Variants in KCNIP4 observed in about 807,000 individuals in gnomAD.
KCNIP4 encodes the protein potassium voltage-gated channel interacting protein 4.
KCNIP4 carries 12 observed loss-of-function variants against 34.0 expected under a neutral mutation model. The ratio of observed to expected loss-of-function variants is 0.35; its 90% CI spans 0.23 to 0.57. The LOEUF is 0.57. Among genes scored for constraint, KCNIP4 ranks in the 20% least tolerant of loss-of-function variants. KCNIP4 has a pLI of 0.83. For missense variants in KCNIP4, 238 were observed against 311.7 expected, an observed-to-expected ratio of 0.76 and a Z score of 1.78; for synonymous variants, 124 against 102.2, an observed-to-expected ratio of 1.21 and a Z score of -1.29.
intron 1 of KCNIP4, among the ~76,000 whole-genome samples, chr4:21,735,424 T>C (rs1577919182): frequency 2.6e-5 from 4 of 152,170 alleles, no homozygotes; most frequent in Non-Finnish European, 5.9e-5. Flanking sequence ...TATGGCATAA[T>C]AGTATCTGTA....
At chr4:21,113,606 T>C (rs924512477) in intron 1 of KCNIP4, among the ~76,000 whole-genome samples, 3 of 152,152 alleles carry the variant, frequency 2.0e-5, no homozygotes, top group African/African-American at 7.2e-5. Context: ...TTGTTCCCCA[T>C]GTCTTCCTTA....
intron 1 of KCNIP4, among the ~76,000 whole-genome samples, chr4:21,563,159 AT>A (rs202168547): frequency 0.012 from 1,856 of 151,986 alleles, 46 homozygotes; most frequent in African/African-American, 0.042. Flanking sequence ...TAACTACTAG[AT>A]TTTTTTTAAA....
chr4:21,238,027 C>A (rs1278388142), intron 1 of KCNIP4, among the ~76,000 whole-genome samples: 1 of 152,108 alleles, frequency 6.6e-6, no homozygotes, highest in Non-Finnish European at 1.5e-5. Context: ...AAAGCTTATC[C>A]ACCATGATCA....
intron 1 of KCNIP4, among the ~76,000 whole-genome samples, chr4:20,944,927 C>T (rs1222111133): frequency 1.3e-5 from 2 of 152,170 alleles, no homozygotes; most frequent in African/African-American, 4.8e-5. Context: ...CCAGTTCAAT[C>T]AGACTTAATA....
chr4:20,899,280 T>C (rs1433773920), intron 1 of KCNIP4, among the ~76,000 whole-genome samples: 2 of 152,194 alleles, frequency 1.3e-5, no homozygotes, highest in Non-Finnish European at 2.9e-5. Context: ...GTCCCTAAGA[T>C]GGATATGAGT....
At chr4:21,336,171 T>C (rs569608223) in intron 1 of KCNIP4, among the ~76,000 whole-genome samples, 1 of 152,250 alleles carries the variant, frequency 6.6e-6, no homozygotes, top group African/African-American at 2.4e-5. Context: ...GATACGTGAG[T>C]TCTAATTCGA....
At position 21,944,041 on chromosome 4, in the gene KCNIP4, C is replaced by T. The variant is rs1389776062; in HGVS notation, c.61+4530G>A. ...GATAGAGCATGTCTTTTTAGACATA[C>T]TGACTTTAAGGTGCTGGTAAAACTT... is the stretch of plus-strand genomic sequence containing the variant. On this transcript the variant is annotated intron_variant, in intron 1 of 8. Transcript: ENST00000382152. Among the ~76,000 whole-genome samples the T allele has an allele frequency of 2.0e-5, 3 of 151,206 alleles. No individual in the cohort carries two copies. In the East Asian group the frequency reaches 5.9e-4, roughly 30 times the overall value.
chr4:21,325,173 G>A (rs928431285), intron 1 of KCNIP4, among the ~76,000 whole-genome samples: 3 of 151,870 alleles, frequency 2.0e-5, no homozygotes, highest in African/African-American at 7.2e-5. Context: ...GTTTGAGTAG[G>A]ACTGGTGTTA....
intron 1 of KCNIP4, among the ~76,000 whole-genome samples, chr4:21,690,660 T>C (rs1051019789): frequency 2.0e-5 from 3 of 152,142 alleles, no homozygotes; most frequent in African/African-American, 7.2e-5. Context: ...AGTAAATATT[T>C]TTTCTTTATA....
chr4:21,349,845 G>C (rs1268283882), intron 1 of KCNIP4, among the ~76,000 whole-genome samples: 4 of 152,126 alleles, frequency 2.6e-5, no homozygotes, highest in Non-Finnish European at 5.9e-5. Context: ...TGGGGTACAA[G>C]CACAAGGGCT....
At chr4:21,595,120 C>T (rs1742539006) in intron 1 of KCNIP4, among the ~76,000 whole-genome samples, 1 of 152,034 alleles carries the variant, frequency 6.6e-6, no homozygotes, top group African/African-American at 2.4e-5. Context: ...AGCTATTTGT[C>T]CTAATGCTAT....
intron 1 of KCNIP4, among the ~76,000 whole-genome samples, chr4:21,138,667 T>G (rs1314530195): frequency 6.6e-6 from 1 of 152,072 alleles, no homozygotes. Flanking sequence ...TTTGCGTATG[T>G]GATTACCTTA....
intron 1 of KCNIP4, among the ~76,000 whole-genome samples, chr4:20,883,075 G>T (rs1724899388): frequency 6.8e-6 from 1 of 147,238 alleles, no homozygotes; most frequent in Non-Finnish European, 1.5e-5. Flanking sequence ...GAGTTAACTG[G>T]ATTGAAATTT....
intron 1 of KCNIP4, among the ~76,000 whole-genome samples, chr4:21,786,451 G>A (rs1160747625): frequency 6.6e-6 from 1 of 152,132 alleles, no homozygotes. Flanking sequence ...TTGCCATACT[G>A]GCAAGTACTC....
At chr4:21,102,035 G>A (rs1451199379) in intron 1 of KCNIP4, among the ~76,000 whole-genome samples, 1 of 152,122 alleles carries the variant, frequency 6.6e-6, no homozygotes, top group Non-Finnish European at 1.5e-5. Context: ...AATGAGCCTG[G>A]TGATTCACCC....
chr4:21,321,647 A>G (rs548189480), intron 1 of KCNIP4, among the ~76,000 whole-genome samples: 12 of 120,522 alleles, frequency 1.0e-4, no homozygotes, highest in Non-Finnish European at 2.0e-4. Context: ...GAAGAAGAAA[A>G]TGAAGGAAGA....
intron 1 of KCNIP4, chr4:21,697,305 C>T (rs2923221): frequency 1.8e-5 from 25 of 1,397,310 alleles, no homozygotes; most frequent in Non-Finnish European, 2.3e-5. Flanking sequence ...CCATGCTCTA[C>T]TAGCCTCTAC....
At chr4:21,466,773 T>C (rs1560433771) in intron 1 of KCNIP4, among the ~76,000 whole-genome samples, 1 of 152,070 alleles carries the variant, frequency 6.6e-6, no homozygotes, top group Non-Finnish European at 1.5e-5. Flanking sequence ...CAACATACTT[T>C]AGAGTTGGCT....
chr4:21,385,006 T>C (rs1312191839), intron 1 of KCNIP4, among the ~76,000 whole-genome samples: 1 of 152,212 alleles, frequency 6.6e-6, no homozygotes, highest in Non-Finnish European at 1.5e-5. Flanking sequence ...TCTCCATTTA[T>C]TTATCTTCTA....
Sources: allele counts gnomAD v4.1 joint callset (sites outside exome capture counted in the v4.1 genomes callset), GRCh38; gene constraint gnomAD v4.1.1; transcripts MANE v1.5; gene names NCBI Gene and HGNC (gene_info 2026-07-23, HGNC 2026-07-21).